Variants in ETV3L observed in about 807,000 individuals in gnomAD.
The protein encoded by ETV3L is ETS translocation variant 3-like protein.
Under a neutral mutation model 27.6 loss-of-function variants are expected in ETV3L, and 30 were observed. The ratio of observed to expected loss-of-function variants is 1.09; its 90% CI spans 0.81 to 1.48. ETV3L has a LOEUF of 1.48. Among genes scored for constraint, ETV3L ranks in the 40% most tolerant of loss-of-function variants. The pLI is 0.00. For missense variants in ETV3L, 443 were observed against 455.6 expected, an observed-to-expected ratio of 0.97 and a Z score of 0.25; for synonymous variants, 186 against 188.9, an observed-to-expected ratio of 0.98 and a Z score of 0.12.
Position 157,094,301 on chromosome 1 carries a change from C to A in ETV3L, c.608-1174G>T, listed in dbSNP as rs6687970. Among the ~76,000 whole-genome samples the A allele has an allele frequency of 5.4e-3, 825 of 152,260 alleles. 11 individuals are homozygous for A. Among genetic ancestry groups the A allele is most frequent in the African/African-American group, 0.018 (764 of 41,542 alleles). On this transcript the variant is annotated intron_variant, in intron 4 of 4. Transcript: ENST00000454449. ...GCCCTGCAGAGTGCATGACGGGAGGCCCAGGGCAGGTATGGGGAGCCCCAG... is the reference window on the plus strand; with the variant it reads ...GCCCTGCAGAGTGCATGACGGGAGGACCAGGGCAGGTATGGGGAGCCCCAG...
intron 2 of ETV3L, 120 bp downstream of exon 2, chr1:157,099,021 C>T: frequency 6.7e-7 from 1 of 1,500,462 alleles, no homozygotes; most frequent in Non-Finnish European, 9.1e-7. Flanking sequence ...CTAGGCTGCT[C>T]ACCACAGGCC....
In ETV3L at chr1:157,098,403, C is replaced by A. The variant is rs148557790; in HGVS notation, c.486+303G>T. Among the ~76,000 whole-genome samples the A allele has an allele frequency of 3.6e-3, 548 of 152,128 alleles. 1 individual carries two copies. Among genetic ancestry groups the A allele is most frequent in the East Asian group, 0.016 (81 of 5,162 alleles). The stretch of plus-strand genomic sequence containing the variant: ...GAGCCACCACGCCTGGCCTCTCATA[C>A]CCATTGTTAAAAGCCCACTGCCACG... On this transcript the variant is annotated intron_variant, in intron 3 of 4. Coordinates refer to ENST00000454449, the MANE Select transcript of ETV3L (RefSeq NM_001004341.2).
In ETV3L at chr1:157,095,667, G is replaced by A. The variant is rs79898041; in HGVS notation, c.607+2201C>T. Among the ~76,000 whole-genome samples, 361 of 151,598 alleles carry A rather than the reference G, an allele frequency of 2.4e-3. 14 individuals are homozygous for A. The East Asian group carries it at 0.062, about 26-fold the overall frequency. On this transcript the variant is annotated intron_variant, in intron 4 of 4. Transcript: ENST00000454449. ...CATTCCCAGAGCTGGGACGGGGTGG[G>A]TGGGGGTGGAGAAACAGGGAGGACT...
chr1:157,092,654 G>A lies in ETV3L; in HGVS notation c.1081C>T (p.Pro361Ser), dbSNP rs755022984. Residue 361 changes from proline (P) to serine (S), a missense_variant, in exon 5 of 5, where the codon CCT becomes TCT. Pro to Ser is a moderately conservative substitution (Grantham distance 74). Transcript: ENST00000454449. Reference protein sequence around the residue: ...NLKAVWPLDPP With the variant: ...NLKAVWPLDPS Reference sequence around the variant, plus strand: ...CTTCCCACCTTCCTCTCTAGTTAAGGAGGATCCAAGGGCCACACTGCTTTG... The same window carrying A: ...CTTCCCACCTTCCTCTCTAGTTAAGAAGGATCCAAGGGCCACACTGCTTTG... 4.2e-5 allele frequency: 67 copies of A among 1,601,980 alleles called. No individual in the cohort carries two copies. Among genetic ancestry groups the A allele is most frequent in the Non-Finnish European group, 5.7e-5 (67 of 1,174,214 alleles).
intron 4 of ETV3L, among the ~76,000 whole-genome samples, chr1:157,096,269 A>C (rs1309750178): frequency 6.6e-6 from 1 of 152,170 alleles, no homozygotes; most frequent in Non-Finnish European, 1.5e-5. Flanking sequence ...CCTCTGCAGC[A>C]GTTAGCACAG....
intron 4 of ETV3L, among the ~76,000 whole-genome samples, chr1:157,097,405 A>C (rs1674248943): frequency 6.8e-6 from 1 of 146,944 alleles, no homozygotes; most frequent in Non-Finnish European, 1.5e-5. Context: ...CCTGGGAGGC[A>C]GAGGCTGCAG....
Position 157,093,115 on chromosome 1 carries a change from G to A in ETV3L, c.620C>T (p.Ala207Val), listed in dbSNP as rs767508164. The A allele has an allele frequency of 1.4e-6, 2 of 1,456,956 alleles. No individual in the cohort carries two copies. The highest frequency in any genetic ancestry group is 1.8e-6 in the Non-Finnish European group (2 of 1,103,546). 90.3% of individuals were successfully genotyped at this position (1,456,956 alleles called of 1,614,324 possible). ...SSSSVYRLGS[A>V]PGPCRLGLCC... is the part of the protein sequence containing the mutation. ...AAGGCCCAGCCGGCAGGGGCCTGGGGCAGAGCCAAGTCCTAGAGAAAGAAA... is the reference window on the plus strand; with the variant it reads ...AAGGCCCAGCCGGCAGGGGCCTGGGACAGAGCCAAGTCCTAGAGAAAGAAA... Residue 207 changes from alanine (A) to valine (V), a missense_variant, in exon 5 of 5, where the codon GCC becomes GTC. Physicochemically the swap from Ala to Val is moderately conservative, Grantham distance 64 (BLOSUM62 0). Transcript: ENST00000454449.
intron 4 of ETV3L, 61 bp downstream of exon 4, chr1:157,097,807 A>C (rs1206101905): frequency 1.2e-6 from 2 of 1,603,682 alleles, no homozygotes; most frequent in Admixed American, 3.4e-5. Flanking sequence ...GTACTCAGCC[A>C]GGAGGGCCCT....
At chr1:157,094,913 CA>C (rs34656748) in intron 4 of ETV3L, among the ~76,000 whole-genome samples, 104 of 86,622 alleles carry the variant, frequency 1.2e-3, no homozygotes, top group African/African-American at 4.4e-3. Context: ...AACTCTGTCT[CA>C]AAAAAAAAAA....
intron 4 of ETV3L, among the ~76,000 whole-genome samples, chr1:157,093,813 G>C (rs1674169365): frequency 6.6e-6 from 1 of 151,918 alleles, no homozygotes; most frequent in Non-Finnish European, 1.5e-5. Flanking sequence ...TTTTCTTTAG[G>C]CCTCATCATA....
At position 157,094,294 on chromosome 1, in the gene ETV3L, C is replaced by T. The variant is rs182898981; in HGVS notation, c.608-1167G>A. 2.4e-3 allele frequency among the ~76,000 whole-genome samples: 358 copies of T among 152,290 alleles called. 1 individual carries two copies. Among genetic ancestry groups the T allele is most frequent in the Non-Finnish European group, 2.1e-3 (146 of 68,014 alleles). On this transcript the variant is annotated intron_variant, in intron 4 of 4. Coordinates refer to ENST00000454449, the MANE Select transcript of ETV3L (RefSeq NM_001004341.2). ...AGAAGAGGCCCTGCAGAGTGCATGA[C>T]GGGAGGCCCAGGGCAGGTATGGGGA...
intron 3 of ETV3L, among the ~76,000 whole-genome samples, 187 bp downstream of exon 3, chr1:157,098,519 C>A (rs1674276600): frequency 6.6e-6 from 1 of 152,176 alleles, no homozygotes; most frequent in Non-Finnish European, 1.5e-5. Context: ...CCCTTTCTCA[C>A]AGGTGGGTCC....
chr1:157,093,432 T>C (rs1674160817), intron 4 of ETV3L, among the ~76,000 whole-genome samples: 1 of 151,828 alleles, frequency 6.6e-6, no homozygotes, highest in African/African-American at 2.4e-5. Flanking sequence ...ATAGATTGAG[T>C]CTCGCCATGT....
At position 157,092,947 on chromosome 1, in the gene ETV3L, C is replaced by A; in HGVS notation, c.788G>T (p.Gly263Val). The change falls in exon 5 of 5, where the codon GGG becomes GTG. Residue 263 changes from glycine to valine, a missense_variant. Coordinates refer to ENST00000454449, the MANE Select transcript of ETV3L (RefSeq NM_001004341.2). ...PPLPSEQQLP[G>V]AFKPDILLPG... The stretch of plus-strand genomic sequence containing the variant: ...GAGCAGGATGTCTGGCTTAAAAGCC[C>A]CTGGGAGCTGCTGCTCTGACGGGAG... 1.2e-6 allele frequency: 2 copies of A among 1,613,814 alleles called. No individual in the cohort carries two copies. Among genetic ancestry groups the A allele is most frequent in the South Asian group, 2.2e-5 (2 of 91,062 alleles).
chr1:157,098,636 G>C, intron 3 of ETV3L, 70 bp downstream of exon 3: 1 of 1,397,390 alleles, frequency 7.2e-7, no homozygotes, highest in Non-Finnish European at 9.6e-7. Context: ...AAAGAGGAGG[G>C]TGGGGAGCCT....
In ETV3L at chr1:157,092,392, A is replaced by C; in HGVS notation, c.*257T>G. Reference sequence around the variant, plus strand: ...AACTTTATTCTCGTCTCCCTGAAGAAAAGTTGAGATTAGGAATGTCCCCTT... The same window carrying C: ...AACTTTATTCTCGTCTCCCTGAAGACAAGTTGAGATTAGGAATGTCCCCTT... On this transcript the variant is annotated 3_prime_UTR_variant, in exon 5 of 5. Transcript: ENST00000454449. 2 of 441,922 alleles carry C rather than the reference A, an allele frequency of 4.5e-6. No individual in the cohort carries two copies. Among genetic ancestry groups the C allele is most frequent in the Non-Finnish European group, 8.0e-6 (2 of 250,742 alleles). 27.4% of individuals were successfully genotyped at this position (441,922 alleles called of 1,614,324 possible). A position where few individuals can be genotyped will look rare whatever the true frequency, so the allele number is the denominator to read the frequency against.
chr1:157,095,131 G>A (rs1335763955), intron 4 of ETV3L, among the ~76,000 whole-genome samples: 1 of 152,054 alleles, frequency 6.6e-6, no homozygotes, highest in Non-Finnish European at 1.5e-5. Flanking sequence ...GGAGACTGCT[G>A]TTGCACGGGA....
intron 4 of ETV3L, among the ~76,000 whole-genome samples, chr1:157,094,697 A>G (rs1674187342): frequency 6.6e-6 from 1 of 152,082 alleles, no homozygotes; most frequent in Non-Finnish European, 1.5e-5. Flanking sequence ...CGGATCACCT[A>G]AGATCAGGAG....
chr1:157,095,879 AT>A (rs1485978341), intron 4 of ETV3L, among the ~76,000 whole-genome samples: 2 of 152,158 alleles, frequency 1.3e-5, no homozygotes, highest in Admixed American at 1.3e-4. Context: ...TAGAGGGGCA[AT>A]TCTTTGACCT....
Sources: gnomAD v4.1 joint callset for allele counts (sites outside exome capture counted in the v4.1 genomes callset) on GRCh38, gnomAD v4.1.1 for gene constraint, MANE v1.5 for transcripts, NCBI Gene and HGNC (gene_info 2026-07-23, HGNC 2026-07-21) for gene names.